Variants in EHHADH observed in about 807,000 individuals in gnomAD.
The protein encoded by EHHADH is peroxisomal bifunctional enzyme.
In EHHADH, 48 loss-of-function variants were observed where a neutral mutation model predicts 64.4. The observed-to-expected ratio is 0.75, with a 90% confidence interval of 0.59 to 0.95. EHHADH has a LOEUF of 0.95. Ranked by LOEUF, EHHADH falls within the 40% of genes least tolerant of loss-of-function variation. The pLI, the probability that EHHADH is intolerant of heterozygous loss-of-function variation, is 0.00. For synonymous variants in EHHADH, 308 were observed against 326.7 expected (o/e 0.94, Z 0.62); for missense variants, 854 against 876.6 (o/e 0.97, Z 0.33).
Position 185,192,874 on chromosome 3 carries a change from C to A in EHHADH, c.1524G>T (p.Val508=). The part of the protein sequence containing the change: ...EGSKPEEVDQ[V]LEEFGFKMGP... ...CCATTTTAAAACCAAACTCTTCCAG[C>A]ACCTGATCTACCTCCTCTGGTTTGC... Residue 508 remains valine (V), a synonymous_variant, in exon 7 of 7, where the codon GTG becomes GTT. Coordinates refer to ENST00000231887, the MANE Select transcript of EHHADH (RefSeq NM_001966.4). 1 of 1,614,204 alleles carries A rather than the reference C, an allele frequency of 6.2e-7. No homozygotes were observed. Among genetic ancestry groups the A allele is most frequent in the South Asian group, 1.1e-5 (1 of 91,078 alleles).
intron 2 of EHHADH, chr3:185,247,880 A>G (rs1247956405): frequency 6.6e-6 from 1 of 152,278 alleles, no homozygotes; most frequent in Non-Finnish European, 1.5e-5. Flanking sequence ...CCAATAAAGC[A>G]GTGCCATGGT....
At chr3:185,228,257 A>AAAAAAAACAT (rs1367786172) in intron 4 of EHHADH, among the ~76,000 whole-genome samples, 1 of 21,994 alleles carries the variant, frequency 4.5e-5, no homozygotes, top group African/African-American at 1.2e-4. Flanking sequence ...AAAAAAAAAA[A>AAAAAAAACAT]ATATATATAT....
intron 3 of EHHADH, among the ~76,000 whole-genome samples, chr3:185,232,252 C>T (rs1415036226): frequency 6.6e-6 from 1 of 152,138 alleles, no homozygotes. Context: ...CCATCTCTAC[C>T]TCTTTACTTA....
At chr3:185,223,512 G>A (rs1052303716) in intron 4 of EHHADH, among the ~76,000 whole-genome samples, 28 of 151,772 alleles carry the variant, frequency 1.8e-4, no homozygotes, top group African/African-American at 6.5e-4. Context: ...GAATTTTTGT[G>A]TGTCTTTCTT....
chr3:185,211,134 G>GTTAC (rs1718529773), intron 5 of EHHADH, among the ~76,000 whole-genome samples: 2 of 152,156 alleles, frequency 1.3e-5, no homozygotes, highest in South Asian at 4.1e-4. Flanking sequence ...TCAGTTATAA[G>GTTAC]ATATTCAGAA....
rs1287182683 is a variant in EHHADH, at chr3:185,216,440, G to A, written c.568+1696C>T. Among the ~76,000 whole-genome samples, 1 of 152,216 alleles carries A rather than the reference G, an allele frequency of 6.6e-6. No homozygotes were observed. The highest frequency in any genetic ancestry group is 2.4e-5 in the African/African-American group (1 of 41,450). On this transcript the variant is annotated intron_variant, in intron 5 of 6. Transcript: ENST00000231887. This position sits in a 1 kb window ranked among gnomAD's most constrained non-coding sequence, Gnocchi z 5.3. ...TCCAAATGCAAATAGCCTTTGCTGT[G>A]TGTCTGTCAAGTGACTTCTAACAAA...
At chr3:185,213,146 A>AAAAAAAAAAAAAG (rs1718592819) in intron 5 of EHHADH, among the ~76,000 whole-genome samples, 1 of 148,064 alleles carries the variant, frequency 6.8e-6, no homozygotes, top group Non-Finnish European at 1.5e-5. Context: ...AAAAAAAAAA[A>AAAAAAAAAAAAAG]GACTATAGGT....
chr3:185,222,203 C>T (rs770650857), intron 4 of EHHADH, among the ~76,000 whole-genome samples: 41 of 151,856 alleles, frequency 2.7e-4, no homozygotes, highest in Non-Finnish European at 4.4e-4. Flanking sequence ...AACATGGTGC[C>T]CCCCGCCCCC....
chr3:185,194,442 G>A (rs149337801), intron 6 of EHHADH, among the ~76,000 whole-genome samples: 11 of 152,110 alleles, frequency 7.2e-5, no homozygotes, highest in East Asian at 1.9e-4. Flanking sequence ...GAGAAAACCC[G>A]TCTCTACTAA....
At chr3:185,232,586 T>C (rs1036705510) in intron 3 of EHHADH, among the ~76,000 whole-genome samples, 2 of 152,134 alleles carry the variant, frequency 1.3e-5, no homozygotes, top group Non-Finnish European at 2.9e-5. Flanking sequence ...GTAGCTGGGA[T>C]TACAGGCATG....
Position 185,204,473 on chromosome 3 carries a change from A to G in EHHADH, c.853T>C (p.Ser285Pro). 1 of 1,614,012 alleles carries G rather than the reference A, an allele frequency of 6.2e-7. No individual in the cohort carries two copies. Reference sequence around the variant, plus strand: ...GATGCTGTTTTCCACGATGCTCCGGAGGGAGTTGACCACTTATTTGCTTTC... The same window carrying G: ...GATGCTGTTTTCCACGATGCTCCGGGGGGAGTTGACCACTTATTTGCTTTC... ...ERKANKWSTP[S>P]GASWKTASAR... Residue 285 changes from serine (S) to proline (P), a missense_variant, in exon 6 of 7, where the codon TCC (serine) becomes CCC (proline). By Grantham distance (74) the Ser-to-Pro change is moderately conservative (BLOSUM62 -1). Coordinates refer to ENST00000231887, the MANE Select transcript of EHHADH (RefSeq NM_001966.4).
chr3:185,195,267 T>G (rs1231043474), intron 6 of EHHADH, among the ~76,000 whole-genome samples: 2 of 152,136 alleles, frequency 1.3e-5, no homozygotes, highest in African/African-American at 4.8e-5. Flanking sequence ...TCAACATCAA[T>G]AGTCATTAAG....
In EHHADH at chr3:185,248,434, G is replaced by T. The variant is rs1719654744; in HGVS notation, c.158C>A (p.Ala53Glu). 5 of 1,613,856 alleles carry T rather than the reference G, an allele frequency of 3.1e-6. No individual in the cohort carries two copies. Among genetic ancestry groups the T allele is most frequent in the Admixed American group, 1.7e-5 (1 of 59,998 alleles). Residue 53 changes from alanine (A) to glutamate (E), a missense_variant, in exon 2 of 7, where the codon GCA becomes GAA. Physicochemically the swap from Ala to Glu is moderately radical, Grantham distance 107. Transcript: ENST00000231887. ...HTIKAIVICG[A>E]EGKFSAGADI... ...GTTACCTGCAGAAAATTTGCCCTCT[G>T]CTCCACAAATCACAATGGCTTTTAT...
intron 4 of EHHADH, among the ~76,000 whole-genome samples, chr3:185,222,324 A>G (rs1385652044): frequency 6.6e-6 from 1 of 152,120 alleles, no homozygotes; most frequent in Admixed American, 6.6e-5. Flanking sequence ...CGGAGGCTGC[A>G]GTGAGCCGAG....
Position 185,190,664 on chromosome 3 carries a change from T to C in EHHADH, c.*1562A>G, listed in dbSNP as rs1466066124. 1 of 152,150 alleles carries C rather than the reference T, an allele frequency of 6.6e-6. No individual in the cohort carries two copies. Among genetic ancestry groups the C allele is most frequent in the East Asian group, 1.9e-4 (1 of 5,196 alleles). 9.4% of individuals were successfully genotyped at this position (152,150 alleles called of 1,614,324 possible). A position where few individuals can be genotyped will look rare whatever the true frequency, so the allele number is the denominator to read the frequency against. On this transcript the variant is annotated 3_prime_UTR_variant, in exon 7 of 7. Coordinates refer to ENST00000231887, the MANE Select transcript of EHHADH (RefSeq NM_001966.4). ...ATCATTTTTATTGATGTCTTTAATTTCACAAACCAAATTATATAAAATTAA... is the reference window on the plus strand; with the variant it reads ...ATCATTTTTATTGATGTCTTTAATTCCACAAACCAAATTATATAAAATTAA...
intron 4 of EHHADH, among the ~76,000 whole-genome samples, chr3:185,229,193 T>G (rs552136357): frequency 6.6e-6 from 1 of 152,360 alleles, no homozygotes; most frequent in South Asian, 2.1e-4. Context: ...ATCCTAAATT[T>G]GATTCGCTCT....
chr3:185,239,225 C>T (rs914844479), intron 2 of EHHADH, among the ~76,000 whole-genome samples: 20 of 152,132 alleles, frequency 1.3e-4, no homozygotes, highest in African/African-American at 4.8e-4. Context: ...TGTGTTGCCC[C>T]CAGCTTTGTT....
chr3:185,208,399 G>A (rs1030362482), intron 5 of EHHADH, among the ~76,000 whole-genome samples: 1 of 152,190 alleles, frequency 6.6e-6, no homozygotes, highest in Non-Finnish European at 1.5e-5. Context: ...GAGGACCTAG[G>A]ACACTTGGAT....
At chr3:185,218,408 T>G (rs1215175718) in intron 4 of EHHADH, among the ~76,000 whole-genome samples, 168 bp from the exon 5 acceptor site, 1 of 152,002 alleles carries the variant, frequency 6.6e-6, no homozygotes, top group Non-Finnish European at 1.5e-5. Context: ...AGATCACCAC[T>G]GAGGTAACCA....
Sources: gnomAD v4.1 joint callset for allele counts (sites outside exome capture counted in the v4.1 genomes callset) on GRCh38, gnomAD v4.1.1 for gene constraint, Gnocchi (gnomAD v3.1) non-coding constraint, MANE v1.5 for transcripts, NCBI Gene and HGNC (gene_info 2026-07-23, HGNC 2026-07-21) for gene names.